ARHGAP20: variants seen among roughly 807,000 people sequenced by gnomAD.
ARHGAP20 encodes the protein rho GTPase-activating protein 20.
In ARHGAP20, 34 loss-of-function variants were observed where a neutral mutation model predicts 73.7. That is an observed-to-expected ratio of 0.46 (90% CI 0.35 to 0.61). The LOEUF is 0.61. ARHGAP20 is among the 20% of genes least tolerant of loss of function. The pLI is 0.00. For synonymous variants in ARHGAP20, 523 were observed against 518.2 expected (o/e 1.01, Z -0.13); for missense variants, 1,314 against 1,420.9 (o/e 0.92, Z 1.21).
At chr11:110,646,572 AT>A (rs1428114996) in intron 2 of ARHGAP20, among the ~76,000 whole-genome samples, 31 of 152,102 alleles carry the variant, frequency 2.0e-4, no homozygotes, top group African/African-American at 5.6e-4. Flanking sequence ...TAAAAAAAAC[AT>A]TTTTTAGTGA....
At chr11:110,630,482 TGCAATGAAGGG>T in intron 3 of ARHGAP20, 135 bp downstream of exon 3, 3 of 785,750 alleles carry the variant, frequency 3.8e-6, no homozygotes, top group Non-Finnish European at 2.0e-6. Context: ...GATTTTTTTT[TGCAATGAAGGG>T]CATAAAATCA....
At chr11:110,664,178 C>T (rs1949672335) in intron 2 of ARHGAP20, among the ~76,000 whole-genome samples, 1 of 151,922 alleles carries the variant, frequency 6.6e-6, no homozygotes, top group South Asian at 2.1e-4. Context: ...AGATTTTGGC[C>T]AGATAAATCA....
intron 2 of ARHGAP20, among the ~76,000 whole-genome samples, chr11:110,673,338 T>C (rs1209970427): frequency 6.6e-6 from 1 of 152,112 alleles, no homozygotes; most frequent in East Asian, 1.9e-4. Flanking sequence ...TATTGATGAT[T>C]TACATAATCA....
chr11:110,608,788 C>T (rs1047484531), intron 8 of ARHGAP20, among the ~76,000 whole-genome samples, 196 bp downstream of exon 8: 1 of 152,098 alleles, frequency 6.6e-6, no homozygotes, highest in Non-Finnish European at 1.5e-5. Context: ...CCCAACTATA[C>T]CATTAGCTGC....
Position 110,590,643 on chromosome 11 carries a change from C to CT in ARHGAP20, c.1305+4dup. 1 of 1,611,456 alleles carries CT rather than the reference C, an allele frequency of 6.2e-7. No individual in the cohort carries two copies. Among genetic ancestry groups the CT allele is most frequent in the Non-Finnish European group, 8.5e-7 (1 of 1,178,964 alleles). ...TGGGGTGGATAAAGGGATGACTCTTCTTACCTTTAAGACAGATGCTATCAC... is the reference window on the plus strand; with the variant it reads ...TGGGGTGGATAAAGGGATGACTCTTCTTTACCTTTAAGACAGATGCTATCAC... On this transcript the variant is annotated splice_donor_region_variant and intron_variant, in intron 11 of 14. Coordinates refer to ENST00000683387, the MANE Select transcript of ARHGAP20 (RefSeq NM_001384657.1).
intron 2 of ARHGAP20, among the ~76,000 whole-genome samples, chr11:110,679,241 A>G (rs1383911834): frequency 6.6e-6 from 1 of 152,204 alleles, no homozygotes; most frequent in African/African-American, 2.4e-5. Context: ...TATGACAGCA[A>G]TCAAGAAGGA....
At chr11:110,678,126 C>G (rs531638236) in intron 2 of ARHGAP20, among the ~76,000 whole-genome samples, 2 of 152,054 alleles carry the variant, frequency 1.3e-5, no homozygotes, top group African/African-American at 4.8e-5. Flanking sequence ...AAACAGCACA[C>G]GATTTCAGTT....
intron 11 of ARHGAP20, among the ~76,000 whole-genome samples, chr11:110,586,816 T>G (rs2134808376): frequency 6.6e-6 from 1 of 152,338 alleles, no homozygotes; most frequent in South Asian, 2.1e-4. Context: ...ACAAAGTCTC[T>G]GTTATCTTGG....
intron 2 of ARHGAP20, among the ~76,000 whole-genome samples, chr11:110,663,922 C>A (rs1318989496): frequency 6.6e-6 from 1 of 151,932 alleles, no homozygotes; most frequent in Non-Finnish European, 1.5e-5. Flanking sequence ...GAAGTTTATC[C>A]CAAGAATGCA....
intron 2 of ARHGAP20, among the ~76,000 whole-genome samples, chr11:110,654,280 A>C (rs1341868265): frequency 1.3e-5 from 2 of 152,196 alleles, no homozygotes; most frequent in Non-Finnish European, 2.9e-5. Flanking sequence ...GAAGGAAATC[A>C]AGAAACATTA....
intron 2 of ARHGAP20, among the ~76,000 whole-genome samples, chr11:110,672,595 C>T (rs573779665): frequency 5.1e-4 from 78 of 152,242 alleles, no homozygotes; most frequent in African/African-American, 1.5e-3. Flanking sequence ...CAAGCATGCA[C>T]CACCACACTT....
chr11:110,621,636 A>G (rs1948631647), intron 4 of ARHGAP20, among the ~76,000 whole-genome samples: 1 of 151,978 alleles, frequency 6.6e-6, no homozygotes, highest in African/African-American at 2.4e-5. Context: ...CTCTGCTGAT[A>G]TTTCCTATCT....
chr11:110,601,299 AAAG>A (rs758711660), intron 9 of ARHGAP20, among the ~76,000 whole-genome samples: 1 of 152,248 alleles, frequency 6.6e-6, no homozygotes, highest in Non-Finnish European at 1.5e-5. Context: ...ATGTGCCAAA[AAAG>A]AAGTATTAGC....
In ARHGAP20 at chr11:110,577,129, A is replaced by T; in HGVS notation, c.*2241T>A. 6.5e-7 allele frequency: 1 copy of T among 1,534,850 alleles called. No individual in the cohort carries two copies. The highest frequency in any genetic ancestry group is 1.2e-5 in the South Asian group (1 of 83,794). ...ATTATCAGTGCCTTGAAAACCAAAC[A>T]ACTTTAAAAGTTAGCAGCAGTTTCT... On this transcript the variant is annotated 3_prime_UTR_variant, in exon 15 of 15. Coordinates refer to ENST00000683387, the MANE Select transcript of ARHGAP20 (RefSeq NM_001384657.1).
In ARHGAP20 at chr11:110,583,576, G is replaced by C; in HGVS notation, c.1577C>G (p.Pro526Arg). 1 of 1,610,402 alleles carries C rather than the reference G, an allele frequency of 6.2e-7. No individual in the cohort carries two copies. The highest frequency in any genetic ancestry group is 8.5e-7 in the Non-Finnish European group (1 of 1,177,660). ...TTTTGTAAATTCGTTTTCTAGTTCTGGGCTGGAGGAAGCAGGAGGCCAAAG... is the reference window on the plus strand; with the variant it reads ...TTTTGTAAATTCGTTTTCTAGTTCTCGGCTGGAGGAAGCAGGAGGCCAAAG... ...SILWPPASSS[P>R]ELENEFTKKV... Residue 526 changes from proline to arginine, a missense_variant, in exon 13 of 15, where the codon CCA becomes CGA. Pro to Arg is a moderately radical substitution (Grantham distance 103). Around this residue, in one of 3 missense-constraint regions of ARHGAP20, gnomAD observed 230 missense variants for 317.6 expected, o/e 0.72. Transcript: ENST00000683387.
At chr11:110,655,910 C>T (rs1949456562) in intron 2 of ARHGAP20, among the ~76,000 whole-genome samples, 2 of 152,172 alleles carry the variant, frequency 1.3e-5, no homozygotes, top group Admixed American at 6.5e-5. Context: ...GGAGGCCTTT[C>T]CTGACTAACC....
At chr11:110,663,906 C>A (rs1030130576) in intron 2 of ARHGAP20, among the ~76,000 whole-genome samples, 16 of 152,118 alleles carry the variant, frequency 1.1e-4, no homozygotes, top group African/African-American at 3.9e-4. Flanking sequence ...TACATCATGA[C>A]CAAGTGAAGT....
At chr11:110,648,360 A>G (rs1565457768) in intron 2 of ARHGAP20, among the ~76,000 whole-genome samples, 1 of 149,288 alleles carries the variant, frequency 6.7e-6, no homozygotes, top group Non-Finnish European at 1.5e-5. Context: ...ATACATATAT[A>G]TATGTGGATA....
chr11:110,677,036 C>T (rs146407042), intron 2 of ARHGAP20, among the ~76,000 whole-genome samples: 2,574 of 151,906 alleles, frequency 0.017, 50 homozygotes, highest in African/African-American at 0.046. Flanking sequence ...ACATACCAAC[C>T]CAAAGGCATA....
Sources: gnomAD v4.1 joint callset for allele counts (sites outside exome capture counted in the v4.1 genomes callset) on GRCh38, gnomAD v4.1.1 for gene constraint, gnomAD v4.1.1 regional missense constraint, MANE v1.5 for transcripts, NCBI Gene and HGNC (gene_info 2026-07-23, HGNC 2026-07-21) for gene names.